The following TRIM24 variants were observed in gnomAD, a reference collection of about 807,000 sequenced individuals.
The protein encoded by TRIM24 is transcription intermediary factor 1-alpha.
In TRIM24, 29 loss-of-function variants were observed where a neutral mutation model predicts 123.9. The observed-to-expected ratio is 0.23, with a 90% CI of 0.17 to 0.32. TRIM24 has a LOEUF of 0.32. Among genes scored for constraint, TRIM24 ranks in the 10% least tolerant of loss-of-function variants. TRIM24 has a pLI of 1.00. For missense variants in TRIM24, 932 were observed against 1,295.3 expected (o/e 0.72, Z 4.31); for synonymous variants, 456 against 461.1 (o/e 0.99, Z 0.14).
At chr7:138,490,479 C>T (rs1358059206) in intron 1 of TRIM24, 1 of 166,266 alleles carries the variant, frequency 6.0e-6, no homozygotes, top group African/African-American at 2.4e-5. Flanking sequence ...CTTCTTTACC[C>T]ATTAAGCAAG....
chr7:138,547,287 A>G (rs1221673269), intron 7 of TRIM24, among the ~76,000 whole-genome samples: 2 of 152,212 alleles, frequency 1.3e-5, no homozygotes, highest in Non-Finnish European at 2.9e-5. Context: ...CAAAATTTCA[A>G]TTAGATAGGA....
chr7:138,504,760 T>A (rs1375016882), intron 2 of TRIM24, among the ~76,000 whole-genome samples: 2 of 148,702 alleles, frequency 1.3e-5, no homozygotes, highest in Non-Finnish European at 3.0e-5. Context: ...GCACCTGGCC[T>A]CTTTTTTTTT....
chr7:138,504,480 G>A lies in TRIM24; in HGVS notation c.483+72G>A, dbSNP rs560783453. ...TTTTTTTTTTTTTTTTTTTGAGACAGAGTCTCATTCATTCTGTTGCCCAGG... is the reference window on the plus strand; with the variant it reads ...TTTTTTTTTTTTTTTTTTTGAGACAAAGTCTCATTCATTCTGTTGCCCAGG... On this transcript the variant is annotated intron_variant, in intron 2 of 18. Transcript: ENST00000343526. 364 of 871,582 alleles carry A rather than the reference G, an allele frequency of 4.2e-4. 2 individuals carry two copies. In the African/African-American group the frequency reaches 7.1e-3, roughly 17 times the overall value. 54.0% of individuals were successfully genotyped at this position (871,582 alleles called of 1,614,324 possible).
At chr7:138,543,058 T>G (rs1797034729) in intron 7 of TRIM24, among the ~76,000 whole-genome samples, 1 of 152,224 alleles carries the variant, frequency 6.6e-6, no homozygotes, top group Admixed American at 6.5e-5. Flanking sequence ...AGTATGTATG[T>G]GTAAGACACA....
chr7:138,574,509 CA>C (rs1433804744), intron 12 of TRIM24, among the ~76,000 whole-genome samples: 1 of 152,112 alleles, frequency 6.6e-6, no homozygotes, highest in Non-Finnish European at 1.5e-5. Context: ...TGCCAAAGGA[CA>C]TGATAAGTAG....
intron 3 of TRIM24, among the ~76,000 whole-genome samples, chr7:138,517,502 C>T (rs1796425212): frequency 6.6e-6 from 1 of 152,138 alleles, no homozygotes; most frequent in Admixed American, 6.6e-5. Flanking sequence ...TCCCAAGTAG[C>T]TGGGATTATG....
chr7:138,531,322 C>G (rs1285369307), intron 6 of TRIM24, among the ~76,000 whole-genome samples: 4 of 146,706 alleles, frequency 2.7e-5, no homozygotes, highest in African/African-American at 1.1e-4. Flanking sequence ...CACCCATTAA[C>G]TCGTTATTTA....
At chr7:138,509,528 C>T (rs1796240829) in intron 2 of TRIM24, among the ~76,000 whole-genome samples, 1 of 149,448 alleles carries the variant, frequency 6.7e-6, no homozygotes, top group Non-Finnish European at 1.5e-5. Flanking sequence ...ATGGTGAAAG[C>T]CCGTCTCTAC....
Position 138,460,554 on chromosome 7 carries a change from G to C in TRIM24, c.6G>C (p.Glu2Asp). MEVAVEKAVAAA... is the reference protein window; with the variant it reads MDVAVEKAVAAA... ...GCGGCGGCAAGGGCAGGACAATGGAGGTGGCGGTGGAGAAGGCGGTGGCGG... is the reference window on the plus strand; with the variant it reads ...GCGGCGGCAAGGGCAGGACAATGGACGTGGCGGTGGAGAAGGCGGTGGCGG... The change falls in exon 1 of 19, where the codon GAG becomes GAC. Residue 2 changes from glutamate (E) to aspartate (D), a missense_variant. Physicochemically the swap from Glu to Asp is conservative, Grantham distance 45. Coordinates refer to ENST00000343526, the MANE Select transcript of TRIM24 (RefSeq NM_015905.3). 1 of 1,308,918 alleles carries C rather than the reference G, an allele frequency of 7.6e-7. No homozygotes were observed. Among genetic ancestry groups the C allele is most frequent in the Non-Finnish European group, 9.6e-7 (1 of 1,039,044 alleles). 81.1% of individuals were successfully genotyped at this position (1,308,918 alleles called of 1,614,324 possible). A position where few individuals can be genotyped will look rare whatever the true frequency, so the allele number is the denominator to read the frequency against.
In TRIM24 at chr7:138,554,014, C is replaced by G. The variant is rs1797264917; in HGVS notation, c.1262-684C>G. ...ATAGCACTTAGCACCCTCCCGCTAG[C>G]AACCTCCATGTGGCAACCTTCATTT... is the stretch of plus-strand genomic sequence containing the variant. On this transcript the variant is annotated intron_variant, in intron 8 of 18. Transcript: ENST00000343526. This position sits in a 1 kb window ranked among gnomAD's most constrained non-coding sequence, Gnocchi z 4.5. 6.6e-6 allele frequency among the ~76,000 whole-genome samples: 1 copy of G among 152,218 alleles called. No individual in the cohort carries two copies. Among genetic ancestry groups the G allele is most frequent in the African/African-American group, 2.4e-5 (1 of 41,456 alleles).
chr7:138,504,415 G>A lies in TRIM24; in HGVS notation c.483+7G>A, dbSNP rs371149187. On this transcript the variant is annotated splice_region_variant and intron_variant, in intron 2 of 18. Coordinates refer to ENST00000343526, the MANE Select transcript of TRIM24 (RefSeq NM_015905.3). The stretch of plus-strand genomic sequence containing the variant: ...AGTAGAAAAGTCAAATCAGGTAAGT[G>A]TATTACATCTTGAACCTTTTGCCTG... 19 of 842,864 alleles carry A rather than the reference G, an allele frequency of 2.3e-5. No individual in the cohort carries two copies. The African/African-American group carries it at 2.6e-4, about 12-fold the overall frequency. 52.2% of individuals were successfully genotyped at this position (842,864 alleles called of 1,614,324 possible).
Position 138,570,944 on chromosome 7 carries a change from C to T in TRIM24, c.1819C>T (p.Pro607Ser). ...AGYDGKAFGSPMIDLSSPVGG... is the reference protein window; with the variant it reads ...AGYDGKAFGSSMIDLSSPVGG... ...ATATGATGGAAAGGCTTTTGGTTCA[C>T]CTATGATCGATTTGAGCTCACCAGT... Residue 607 changes from proline to serine, a missense_variant, in exon 11 of 19, where the codon CCT (proline) becomes TCT (serine). Transcript: ENST00000343526. 6.2e-7 allele frequency: 1 copy of T among 1,614,132 alleles called. No individual in the cohort carries two copies. The highest frequency in any genetic ancestry group is 8.5e-7 in the Non-Finnish European group (1 of 1,180,012).
chr7:138,583,604 A>G (rs542101588), intron 17 of TRIM24, among the ~76,000 whole-genome samples: 2 of 152,354 alleles, frequency 1.3e-5, no homozygotes, highest in Non-Finnish European at 2.9e-5. Flanking sequence ...TGGGTGACAG[A>G]GCAAGACCCT....
rs548787270 is a variant in TRIM24 at position 138,547,211 on chromosome 7, T to C, written c.1144-3852T>C. ...GGAAAAAAGTTAAACTCAGAGAGAG[T>C]AGAATGGTGGTTACCAAGGGCTGGA... is the stretch of plus-strand genomic sequence containing the variant. On this transcript the variant is annotated intron_variant, in intron 7 of 18. Transcript: ENST00000343526. Among the ~76,000 whole-genome samples the C allele has an allele frequency of 2.0e-5, 3 of 152,068 alleles. No individual in the cohort carries two copies. In the East Asian group the frequency reaches 5.8e-4, roughly 29 times the overall value.
intron 1 of TRIM24, among the ~76,000 whole-genome samples, chr7:138,495,792 G>A (rs927203061): frequency 3.3e-5 from 5 of 152,024 alleles, no homozygotes; most frequent in African/African-American, 1.2e-4. Flanking sequence ...TTCTACTTGA[G>A]AGTCATTGAA....
At chr7:138,496,284 T>C (rs1424543431) in intron 1 of TRIM24, among the ~76,000 whole-genome samples, 1 of 152,256 alleles carries the variant, frequency 6.6e-6, no homozygotes, top group African/African-American at 2.4e-5. Context: ...GTTTTTACTA[T>C]ACATGTCCTG....
chr7:138,463,043 G>GTGT (rs1554429461), intron 1 of TRIM24, among the ~76,000 whole-genome samples: 3 of 60,136 alleles, frequency 5.0e-5, no homozygotes, highest in African/African-American at 2.2e-4. Flanking sequence ...CTAATTTTGT[G>GTGT]TTTTTTTTTT....
At chr7:138,542,187 T>C (rs1215263765) in intron 7 of TRIM24, among the ~76,000 whole-genome samples, 2 of 152,204 alleles carry the variant, frequency 1.3e-5, no homozygotes, top group African/African-American at 4.8e-5. Context: ...ATTCACAACT[T>C]GGCTAACTGG....
chr7:138,585,000 A>G lies in TRIM24; in HGVS notation c.*49A>G. 1 of 1,498,264 alleles carries G rather than the reference A, an allele frequency of 6.7e-7. No individual in the cohort carries two copies. The highest frequency in any genetic ancestry group is 9.0e-7 in the Non-Finnish European group (1 of 1,106,050). The allele number at this position is 1,498,264 out of a possible 1,614,324, so 92.8% of individuals were successfully genotyped here. A position where few individuals can be genotyped will look rare whatever the true frequency, so the allele number is the denominator to read the frequency against. On this transcript the variant is annotated 3_prime_UTR_variant, in exon 19 of 19. Coordinates refer to ENST00000343526, the MANE Select transcript of TRIM24 (RefSeq NM_015905.3). Reference sequence around the variant, plus strand: ...TGGTTTTTAGATTTTTTTGTTTTCAAAAAAACATTTGTCAGTAATTTAACA... The same window carrying G: ...TGGTTTTTAGATTTTTTTGTTTTCAGAAAAACATTTGTCAGTAATTTAACA...
Sources: gnomAD v4.1 joint callset for allele counts (sites outside exome capture counted in the v4.1 genomes callset) on GRCh38, gnomAD v4.1.1 for gene constraint, Gnocchi (gnomAD v3.1) non-coding constraint, MANE v1.5 for transcripts, NCBI Gene and HGNC (gene_info 2026-07-23, HGNC 2026-07-21) for gene names.